PCDH15: variants seen among roughly 807,000 people sequenced by gnomAD.
The protein encoded by PCDH15 is protocadherin related 15.
PCDH15 carries 129 observed loss-of-function variants against 178.5 expected under a neutral mutation model. The observed-to-expected ratio is 0.72, with a 90% CI of 0.63 to 0.84. PCDH15 has a LOEUF of 0.84. PCDH15 is among the 40% of genes least tolerant of loss of function. The pLI, the probability that PCDH15 is intolerant of heterozygous loss-of-function variation, is 0.00. For synonymous variants in PCDH15, 800 were observed against 732.0 expected (o/e 1.09, Z -1.50); for missense variants, 2,230 against 2,099.9 (o/e 1.06, Z -1.21).
At chr10:54,351,107 T>TAAAAAA (rs35267443) in intron 5 of PCDH15, among the ~76,000 whole-genome samples, 1 of 146,104 alleles carries the variant, frequency 6.8e-6, no homozygotes, top group African/African-American at 2.5e-5. Flanking sequence ...TGTCTCAATT[T>TAAAAAA]AAAAAAAAAA....
At chr10:55,067,637 ATTT>A (rs199554150) in intron 2 of PCDH15, among the ~76,000 whole-genome samples, 1 of 142,050 alleles carries the variant, frequency 7.0e-6, no homozygotes. Flanking sequence ...TGATAGTTCT[ATTT>A]TTTTTTTTTT....
intron 2 of PCDH15, among the ~76,000 whole-genome samples, chr10:55,019,713 G>A (rs960754267): frequency 3.3e-5 from 5 of 152,132 alleles, no homozygotes; most frequent in African/African-American, 1.2e-4. Flanking sequence ...TTGTCAGTCT[G>A]AAAGTAGAGC....
At chr10:54,242,658 G>A (rs1272115782) in intron 8 of PCDH15, among the ~76,000 whole-genome samples, 1 of 152,078 alleles carries the variant, frequency 6.6e-6, no homozygotes, top group Non-Finnish European at 1.5e-5. Flanking sequence ...AAAGCTTCCA[G>A]CCTTGGTTGA....
At position 55,334,242 on chromosome 10, in the gene PCDH15, A is replaced by ATATATGTGTGTG. The variant is rs1291195941; in HGVS notation, c.-155-167592_-155-167591insCACACACATATA. ...GCTCCATATATATATATATATATATATGTGTGTGTGTGTGTGTGTGTGTGT... is the reference window on the plus strand; with the variant it reads ...GCTCCATATATATATATATATATATATATATGTGTGTGTGTGTGTGTGTGTGTGTGTGTGTGT... On this transcript the variant is annotated intron_variant, in intron 2 of 5. Transcript: ENST00000613346. Among the ~76,000 whole-genome samples the ATATATGTGTGTG allele has an allele frequency of 2.6e-4, 19 of 72,142 alleles. 1 individual carries two copies. The highest frequency in any genetic ancestry group is 5.5e-4 in the South Asian group (1 of 1,816). 47.3% of individuals were successfully genotyped at this position (72,142 alleles called of 152,430 possible).
chr10:55,346,815 G>A (rs563426534), intron 2 of PCDH15, among the ~76,000 whole-genome samples: 5 of 151,950 alleles, frequency 3.3e-5, no homozygotes, highest in East Asian at 3.9e-4. Context: ...GGCTGCTCAC[G>A]GTTCCTGTGA....
chr10:54,331,977 T>C (rs1939696021), intron 6 of PCDH15, among the ~76,000 whole-genome samples: 1 of 151,594 alleles, frequency 6.6e-6, no homozygotes, highest in Admixed American at 6.6e-5. Context: ...AAAAATCCCT[T>C]TTCAGGTTAT....
At chr10:54,359,912 G>T (rs983221504) in intron 5 of PCDH15, among the ~76,000 whole-genome samples, 1 of 152,010 alleles carries the variant, frequency 6.6e-6, no homozygotes, top group Admixed American at 6.6e-5. Context: ...GTCATGTTAG[G>T]AGAAACAAGC....
intron 5 of PCDH15, among the ~76,000 whole-genome samples, chr10:54,357,139 T>C (rs974763427): frequency 6.6e-6 from 1 of 152,020 alleles, no homozygotes; most frequent in South Asian, 2.1e-4. Flanking sequence ...CTATTCAACA[T>C]AGTGTTGGAA....
chr10:55,241,507 C>A (rs1030328226), intron 1 of PCDH15, among the ~76,000 whole-genome samples: 4 of 152,116 alleles, frequency 2.6e-5, no homozygotes, highest in African/African-American at 9.7e-5. Flanking sequence ...GCAGCCTCAA[C>A]CTCCCGGGCT....
At chr10:54,884,527 T>C (rs1317521447) in intron 3 of PCDH15, among the ~76,000 whole-genome samples, 1 of 148,426 alleles carries the variant, frequency 6.7e-6, no homozygotes, top group East Asian at 2.0e-4. Flanking sequence ...GTGTGCATGT[T>C]CCTGACTTTC....
chr10:54,732,472 C>T (rs771195594), intron 1 of PCDH15, among the ~76,000 whole-genome samples: 5 of 151,428 alleles, frequency 3.3e-5, no homozygotes, highest in Admixed American at 2.6e-4. Flanking sequence ...TTGAAAGACA[C>T]AAGACTCACT....
chr10:55,156,043 G>T (rs1443192174), intron 2 of PCDH15, among the ~76,000 whole-genome samples: 1 of 152,040 alleles, frequency 6.6e-6, no homozygotes, highest in African/African-American at 2.4e-5. Flanking sequence ...GGAAACCCAC[G>T]AAGAGAACAA....
chr10:54,907,247 AT>A (rs922820895), intron 2 of PCDH15, among the ~76,000 whole-genome samples: 39 of 152,318 alleles, frequency 2.6e-4, no homozygotes, highest in African/African-American at 7.2e-4. Flanking sequence ...CACTAAATAT[AT>A]TCCAGGTATG....
intron 26 of PCDH15, among the ~76,000 whole-genome samples, chr10:53,884,008 G>A (rs559372202): frequency 7.9e-5 from 11 of 139,708 alleles, no homozygotes; most frequent in African/African-American, 2.3e-4. Flanking sequence ...GAGCCACTGT[G>A]CCTGGCCTGT....
At chr10:55,308,784 G>A (rs61601462) in intron 1 of PCDH15, among the ~76,000 whole-genome samples, 1,578 of 152,196 alleles carry the variant, frequency 0.01, 32 homozygotes, top group African/African-American at 0.036. Flanking sequence ...CTTCATTTAA[G>A]AGAATTTTAG....
intron 25 of PCDH15, among the ~76,000 whole-genome samples, chr10:53,907,417 C>A (rs1192214206): frequency 3.3e-5 from 5 of 152,222 alleles, no homozygotes; most frequent in African/African-American, 1.2e-4. Context: ...TCCTAGTATT[C>A]CCCTCCAGTC....
Position 54,169,839 on chromosome 10 carries a change from T to C in PCDH15, c.1590+13605A>G, listed in dbSNP as rs181085102. 7.4e-3 allele frequency among the ~76,000 whole-genome samples: 1,127 copies of C among 151,634 alleles called. 20 individuals are homozygous for C. The highest frequency in any genetic ancestry group is 0.026 in the African/African-American group (1,056 of 41,294). ...AAAGCCTATAAACTCTCCTTACAAT[T>C]CCCCCATTTCACCTGTCCTAAAACC... On this transcript the variant is annotated intron_variant, in intron 13 of 37. Coordinates refer to ENST00000644397, the MANE Select transcript of PCDH15 (RefSeq NM_001384140.1).
chr10:54,344,905 A>C (rs74136129), intron 6 of PCDH15, among the ~76,000 whole-genome samples: 732 of 17,968 alleles, frequency 0.041, 2 homozygotes, highest in African/African-American at 0.1. Context: ...GAAACAAAGC[A>C]AAAAAAAAAA....
intron 2 of PCDH15, among the ~76,000 whole-genome samples, chr10:55,066,263 A>G (rs1441187805): frequency 6.6e-6 from 1 of 151,444 alleles, no homozygotes; most frequent in Non-Finnish European, 1.5e-5. Context: ...TAATAAAAGA[A>G]TCAATTCTCT....
Sources: allele counts gnomAD v4.1 joint callset (sites outside exome capture counted in the v4.1 genomes callset), GRCh38; gene constraint gnomAD v4.1.1; transcripts MANE v1.5; gene names NCBI Gene and HGNC (gene_info 2026-07-23, HGNC 2026-07-21).